Variants in CMSS1 observed in about 807,000 individuals in gnomAD.
CMSS1 encodes the protein protein CMSS1.
A neutral mutation model predicts 43.5 loss-of-function variants in CMSS1; 33 were observed. The ratio of observed to expected loss-of-function variants is 0.76; its 90% CI spans 0.57 to 1.01. The LOEUF (loss-of-function observed/expected upper bound fraction) is 1.01. Among genes scored for constraint, CMSS1 ranks in the 50% least tolerant of loss-of-function variants. The probability of loss-of-function intolerance (pLI) is 0.00; values close to 1 mark genes in which losing one functional copy is unlikely to be tolerated. For missense variants in CMSS1, 313 were observed against 326.4 expected (o/e 0.96, Z 0.32); for synonymous variants, 115 against 117.2 (o/e 0.98, Z 0.12).
At chr3:99,936,173 A>C (rs746357173) in intron 1 of CMSS1, among the ~76,000 whole-genome samples, 1 of 152,116 alleles carries the variant, frequency 6.6e-6, no homozygotes, top group Non-Finnish European at 1.5e-5. Context: ...GCCTCAAAAA[A>C]GAAATCATTT....
rs10935983 is a variant in CMSS1 at position 99,842,504 on chromosome 3, CAA to C, written c.64+24476_64+24477del. 9.5e-3 allele frequency among the ~76,000 whole-genome samples: 1,244 copies of C among 131,472 alleles called. 11 individuals carry two copies. Among genetic ancestry groups the C allele is most frequent in the African/African-American group, 0.025 (879 of 35,790 alleles). The allele number at this position is 131,472 out of a possible 152,430, so 86.3% of individuals were successfully genotyped here. On this transcript the variant is annotated intron_variant, in intron 1 of 9. Transcript: ENST00000421999. ...TTGAAATAAATAAATTAAAACAGGC[CAA>C]AAAAAAAAAAAAAAGATGGTCTCAG...
Position 100,135,438 on chromosome 3 carries a change from ATGTGTGTGTGTGTGTG to A in CMSS1, c.65-11497_65-11482del, listed in dbSNP as rs71132511. 7.4e-4 allele frequency among the ~76,000 whole-genome samples: 90 copies of A among 120,836 alleles called. 1 individual carries two copies. The highest frequency in any genetic ancestry group is 4.7e-3 in the East Asian group (19 of 4,066). 79.3% of individuals were successfully genotyped at this position (120,836 alleles called of 152,430 possible). A position where few individuals can be genotyped will look rare whatever the true frequency, so the allele number is the denominator to read the frequency against. ...CTGAGGAGCCTTTGTGTGTGTGTGC[ATGTGTGTGTGTGTGTG>A]TGTGTGTGTGTGTGTGTGTGTGTGT... On this transcript the variant is annotated intron_variant, in intron 1 of 9. Coordinates refer to ENST00000421999, the MANE Select transcript of CMSS1 (RefSeq NM_032359.4).
At chr3:100,063,589 T>C (rs1425276956) in intron 1 of CMSS1, among the ~76,000 whole-genome samples, 2 of 152,206 alleles carry the variant, frequency 1.3e-5, no homozygotes, top group Admixed American at 6.5e-5. Flanking sequence ...CTGAATACTT[T>C]CTCATCCAGA....
chr3:100,001,892 G>A lies in CMSS1; in HGVS notation c.65-145081G>A, dbSNP rs543543447. On this transcript the variant is annotated intron_variant, in intron 1 of 9. Transcript: ENST00000421999. ...ACCCTCCCCTAAGCTGCTCAGCATA[G>A]AAGGTCGGGGACCCAACACGGTGTC... Among the ~76,000 whole-genome samples the A allele has an allele frequency of 3.9e-5, 6 of 152,314 alleles. No homozygotes were observed. The East Asian group carries it at 1.2e-3, about 29-fold the overall frequency.
chr3:99,915,246 A>C (rs1024965620), intron 1 of CMSS1, among the ~76,000 whole-genome samples: 1 of 152,234 alleles, frequency 6.6e-6, no homozygotes, highest in African/African-American at 2.4e-5. Context: ...AATGGAAAAT[A>C]ATAGATTAAA....
chr3:100,181,288 T>C lies in CMSS1; in HGVS notation c.*2900T>C, dbSNP rs970348382. 1.3e-5 allele frequency: 2 copies of C among 152,256 alleles called. No homozygotes were observed. Among genetic ancestry groups the C allele is most frequent in the Non-Finnish European group, 1.5e-5 (1 of 68,038 alleles). 9.4% of individuals were successfully genotyped at this position (152,256 alleles called of 1,614,324 possible). A position where few individuals can be genotyped will look rare whatever the true frequency, so the allele number is the denominator to read the frequency against. Reference sequence around the variant, plus strand: ...CAACAATATAATTACAGCTGTCTTATTAACTTTTTTTTAAAAACTTTCTAT... The same window carrying C: ...CAACAATATAATTACAGCTGTCTTACTAACTTTTTTTTAAAAACTTTCTAT... On this transcript the variant is annotated 3_prime_UTR_variant, in exon 10 of 10. Transcript: ENST00000421999.
intron 1 of CMSS1, among the ~76,000 whole-genome samples, chr3:99,893,863 G>A (rs180718984): frequency 2.9e-4 from 44 of 152,226 alleles, no homozygotes; most frequent in African/African-American, 9.4e-4. Flanking sequence ...AACCCAAGAC[G>A]TTTTGAAGGT....
intron 1 of CMSS1, among the ~76,000 whole-genome samples, chr3:99,905,288 G>A (rs1449760846): frequency 1.3e-5 from 2 of 152,034 alleles, no homozygotes; most frequent in African/African-American, 4.8e-5. Context: ...ACCACTGCTG[G>A]CCTGAGTTCC....
intron 1 of CMSS1, among the ~76,000 whole-genome samples, chr3:99,901,906 A>G (rs1421748443): frequency 6.6e-6 from 1 of 152,140 alleles, no homozygotes; most frequent in Non-Finnish European, 1.5e-5. Flanking sequence ...AGAGCTCAGC[A>G]TAATGTTTTT....
chr3:100,142,132 T>G (rs1347204897), intron 1 of CMSS1, among the ~76,000 whole-genome samples: 1 of 152,216 alleles, frequency 6.6e-6, no homozygotes, highest in East Asian at 1.9e-4. Context: ...AAATAACTTT[T>G]TGGAACAAGA....
At chr3:99,901,045 G>A (rs1035670812) in intron 1 of CMSS1, among the ~76,000 whole-genome samples, 3 of 152,192 alleles carry the variant, frequency 2.0e-5, no homozygotes, top group Non-Finnish European at 2.9e-5. Flanking sequence ...ATACTGGGTG[G>A]AAATACTGGA....
chr3:100,041,724 G>T (rs981015890), intron 1 of CMSS1, among the ~76,000 whole-genome samples: 1 of 152,192 alleles, frequency 6.6e-6, no homozygotes, highest in Non-Finnish European at 1.5e-5. Flanking sequence ...TGAGTGAAAT[G>T]GAGGTATTTT....
At position 100,007,683 on chromosome 3, in the gene CMSS1, G is replaced by A. The variant is rs1387648; in HGVS notation, c.65-139290G>A. On this transcript the variant is annotated intron_variant, in intron 1 of 9. Transcript: ENST00000421999. ...CTTTAAATTGCCTTAAACCAAAAAA[G>A]TGTGTCACTGATGGAAGCTACAGTA... Among the ~76,000 whole-genome samples, 937 of 152,294 alleles carry A rather than the reference G, an allele frequency of 6.2e-3. 9 individuals carry two copies. Among genetic ancestry groups the A allele is most frequent in the African/African-American group, 0.021 (871 of 41,558 alleles).
At chr3:99,991,204 ATTC>A (rs1323088294) in intron 1 of CMSS1, among the ~76,000 whole-genome samples, 2 of 152,198 alleles carry the variant, frequency 1.3e-5, no homozygotes, top group Non-Finnish European at 2.9e-5. Context: ...TAAGCAGCCT[ATTC>A]TTCTTTAAGG....
intron 1 of CMSS1, among the ~76,000 whole-genome samples, chr3:99,902,832 T>G (rs538146535): frequency 6.6e-6 from 1 of 152,316 alleles, no homozygotes; most frequent in East Asian, 1.9e-4. Context: ...GTAACTTCCA[T>G]GTGAAGATAG....
chr3:100,119,978 C>T (rs1350518979), intron 1 of CMSS1, among the ~76,000 whole-genome samples: 1 of 152,162 alleles, frequency 6.6e-6, no homozygotes, highest in East Asian at 1.9e-4. Context: ...TGATGCCTAC[C>T]TATAGGCAGT....
chr3:100,150,826 G>A (rs1372955869), intron 2 of CMSS1, among the ~76,000 whole-genome samples: 1 of 152,166 alleles, frequency 6.6e-6, no homozygotes, highest in South Asian at 2.1e-4. Flanking sequence ...TTCAGAGCCA[G>A]CCCTAGTGAC....
At chr3:100,051,808 G>A (rs2065378767) in intron 1 of CMSS1, among the ~76,000 whole-genome samples, 1 of 150,020 alleles carries the variant, frequency 6.7e-6, no homozygotes, top group Non-Finnish European at 1.5e-5. Flanking sequence ...TAGTGCCAAT[G>A]GCTTATATTT....
chr3:100,055,387 G>A (rs573899313), intron 1 of CMSS1, among the ~76,000 whole-genome samples: 4 of 152,178 alleles, frequency 2.6e-5, no homozygotes, highest in South Asian at 2.1e-4. Context: ...TATGATCCAC[G>A]TGGCCATATG....
Sources: gnomAD v4.1 joint callset for allele counts (sites outside exome capture counted in the v4.1 genomes callset) on GRCh38, gnomAD v4.1.1 for gene constraint, MANE v1.5 for transcripts, NCBI Gene and HGNC (gene_info 2026-07-23, HGNC 2026-07-21) for gene names.